The following PCDH9 variants were observed in gnomAD, a reference collection of about 807,000 sequenced individuals.
PCDH9 encodes protocadherin-9.
In PCDH9, 24 loss-of-function variants were observed where a neutral mutation model predicts 70.6. That is an observed-to-expected ratio of 0.34 (90% CI 0.25 to 0.48). The LOEUF (loss-of-function observed/expected upper bound fraction) is 0.48. PCDH9 is among the 20% of genes least tolerant of loss of function. The pLI is 0.99. For synonymous variants in PCDH9, 562 were observed against 558.5 expected, an observed-to-expected ratio of 1.01 and a Z score of -0.09; for missense variants, 1,281 against 1,503.6, an observed-to-expected ratio of 0.85 and a Z score of 2.45.
intron 2 of PCDH9, chr13:67,215,435 C>T (rs1415134627): frequency 2.0e-5 from 3 of 151,854 alleles, no homozygotes; most frequent in African/African-American, 7.3e-5. Context: ...CTATCAAGCA[C>T]CTATGAAAGT....
intron 4 of PCDH9, among the ~76,000 whole-genome samples, chr13:66,447,707 A>G (rs1056527388): frequency 6.6e-6 from 1 of 152,194 alleles, no homozygotes; most frequent in African/African-American, 2.4e-5. Flanking sequence ...GTTTATTAGA[A>G]ATACTTGAAC....
At chr13:66,359,636 T>C (rs1044096442) in intron 4 of PCDH9, among the ~76,000 whole-genome samples, 6 of 152,028 alleles carry the variant, frequency 3.9e-5, no homozygotes, top group East Asian at 3.8e-4. Flanking sequence ...AGGAGAAACA[T>C]TGAGACTGTC....
chr13:66,829,985 G>T (rs1283130497), intron 3 of PCDH9, among the ~76,000 whole-genome samples: 2 of 151,544 alleles, frequency 1.3e-5, no homozygotes, highest in East Asian at 3.9e-4. Flanking sequence ...AATTTGTTGA[G>T]GTAAGCAAAA....
chr13:66,546,304 C>A (rs1265585687), intron 4 of PCDH9, among the ~76,000 whole-genome samples: 3 of 151,972 alleles, frequency 2.0e-5, no homozygotes, highest in Non-Finnish European at 4.4e-5. Context: ...TCCAATGGGA[C>A]AAGATGTGGA....
At chr13:67,124,569 G>A (rs2138309748) in intron 2 of PCDH9, among the ~76,000 whole-genome samples, 1 of 152,196 alleles carries the variant, frequency 6.6e-6, no homozygotes, top group South Asian at 2.1e-4. Context: ...TAAACATATT[G>A]TTGGCTGCCC....
intron 3 of PCDH9, among the ~76,000 whole-genome samples, chr13:66,750,427 C>T (rs2079439558): frequency 6.6e-6 from 1 of 151,974 alleles, no homozygotes; most frequent in Admixed American, 6.6e-5. Flanking sequence ...TTTTGACTTT[C>T]TCGTTGGACC....
intron 3 of PCDH9, among the ~76,000 whole-genome samples, chr13:66,805,562 C>G (rs138983861): frequency 5.5e-4 from 84 of 152,192 alleles, no homozygotes; most frequent in African/African-American, 2.0e-3. Flanking sequence ...ACAGGATGGA[C>G]ATCAGGTTCA....
intron 2 of PCDH9, among the ~76,000 whole-genome samples, chr13:67,110,778 C>A (rs757572644): frequency 2.6e-5 from 4 of 152,152 alleles, no homozygotes; most frequent in South Asian, 2.1e-4. Flanking sequence ...TTACATATGT[C>A]TGTTTATCTC....
At position 66,324,628 on chromosome 13, in the gene PCDH9, A is replaced by T. The variant is rs567099836; in HGVS notation, c.3341-19600T>A. Reference sequence around the variant, plus strand: ...TAAAGTGAAAATGCAGCCATTGGCCATTCTATGTAATAAAACATTTGAAAA... The same window carrying T: ...TAAAGTGAAAATGCAGCCATTGGCCTTTCTATGTAATAAAACATTTGAAAA... On this transcript the variant is annotated intron_variant, in intron 4 of 4. Transcript: ENST00000377865. 7.2e-5 allele frequency among the ~76,000 whole-genome samples: 11 copies of T among 152,220 alleles called. No homozygotes were observed. In the East Asian group the frequency reaches 1.9e-3, roughly 27 times the overall value.
At chr13:66,853,155 G>A (rs993893294) in intron 3 of PCDH9, among the ~76,000 whole-genome samples, 1 of 150,554 alleles carries the variant, frequency 6.6e-6, no homozygotes, top group Non-Finnish European at 1.5e-5. Context: ...ACAACAAATG[G>A]TGGTTATAAA....
chr13:67,126,447 C>T (rs1159790057), intron 2 of PCDH9, among the ~76,000 whole-genome samples: 1 of 152,124 alleles, frequency 6.6e-6, no homozygotes, highest in African/African-American at 2.4e-5. Flanking sequence ...GTCTGTTTAA[C>T]ACATTATATA....
chr13:66,412,948 C>G (rs954645119), intron 4 of PCDH9, among the ~76,000 whole-genome samples: 3 of 152,142 alleles, frequency 2.0e-5, no homozygotes, highest in African/African-American at 7.2e-5. Flanking sequence ...CATTATTTGC[C>G]GCTCCTATAT....
intron 4 of PCDH9, among the ~76,000 whole-genome samples, chr13:66,564,061 G>T (rs906582589): frequency 6.6e-6 from 1 of 152,070 alleles, no homozygotes; most frequent in Non-Finnish European, 1.5e-5. Context: ...ACAATTGTGG[G>T]AGAAAATTGT....
intron 4 of PCDH9, among the ~76,000 whole-genome samples, chr13:66,333,035 T>C (rs1268447065): frequency 1.3e-5 from 2 of 152,038 alleles, no homozygotes; most frequent in African/African-American, 2.4e-5. Flanking sequence ...AACCTAAAGG[T>C]GGCATTTACA....
chr13:66,593,517 A>G (rs2077062321), intron 4 of PCDH9, among the ~76,000 whole-genome samples: 1 of 151,722 alleles, frequency 6.6e-6, no homozygotes, highest in South Asian at 2.1e-4. Context: ...GACTGAGTAT[A>G]TATTATTCTG....
At chr13:67,070,360 A>C (rs889905729) in intron 2 of PCDH9, among the ~76,000 whole-genome samples, 1 of 152,174 alleles carries the variant, frequency 6.6e-6, no homozygotes, top group Non-Finnish European at 1.5e-5. Flanking sequence ...GTTCATTTAA[A>C]TCTGTCAACA....
chr13:66,542,211 T>G (rs1960988031), intron 4 of PCDH9, among the ~76,000 whole-genome samples: 1 of 152,130 alleles, frequency 6.6e-6, no homozygotes, highest in African/African-American at 2.4e-5. Flanking sequence ...ACGGAATATT[T>G]CCACTAGTGA....
intron 4 of PCDH9, among the ~76,000 whole-genome samples, chr13:66,532,730 T>C (rs116791152): frequency 3.3e-5 from 5 of 152,096 alleles, no homozygotes; most frequent in Non-Finnish European, 7.4e-5. Flanking sequence ...GGGGTTTCAC[T>C]TTCGGAGGCC....
chr13:67,157,354 G>A (rs2087841690), intron 2 of PCDH9, among the ~76,000 whole-genome samples: 1 of 152,080 alleles, frequency 6.6e-6, no homozygotes, highest in South Asian at 2.1e-4. Context: ...ATATTCATTT[G>A]TTAAAATTTG....
Sources: allele counts gnomAD v4.1 joint callset (sites outside exome capture counted in the v4.1 genomes callset), GRCh38; gene constraint gnomAD v4.1.1; transcripts MANE v1.5; gene names NCBI Gene and HGNC (gene_info 2026-07-23, HGNC 2026-07-21).